The following GALNT13 variants were observed in gnomAD, a reference collection of about 807,000 sequenced individuals.
GALNT13 encodes the protein UDP-GalNAc:polypeptide N-acetylgalactosaminyltransferase 13.
Under a neutral mutation model 64.2 loss-of-function variants are expected in GALNT13, and 28 were observed. The ratio of observed to expected loss-of-function variants is 0.44; its 90% CI spans 0.32 to 0.60. The LOEUF is 0.60. GALNT13 is among the 20% of genes least tolerant of loss of function. The probability of loss-of-function intolerance (pLI) is 0.05; values close to 1 mark genes in which losing one functional copy is unlikely to be tolerated. For synonymous variants in GALNT13, 214 were observed against 224.6 expected (o/e 0.95, Z 0.42); for missense variants, 577 against 669.8 (o/e 0.86, Z 1.53).
At chr2:154,064,975 T>C (rs2178567) in intron 3 of GALNT13, among the ~76,000 whole-genome samples, 152,229 of 152,234 alleles carry the variant, frequency 1, 76,112 homozygotes, top group Non-Finnish European at 1. Flanking sequence ...CATTTCTGGA[T>C]GTGCCTTGAG....
chr2:153,900,846 A>G (rs892312293), intron 1 of GALNT13, 90 bp from the exon 2 acceptor site: 2 of 152,144 alleles, frequency 1.3e-5, no homozygotes, highest in Non-Finnish European at 2.9e-5. Context: ...ACGTTAAAGT[A>G]TATAGTGTTT....
At chr2:153,717,688 A>G in the GALNT13 span, among the ~76,000 whole-genome samples, 1 of 152,228 alleles carries the variant, frequency 6.6e-6, no homozygotes, top group Non-Finnish European at 1.5e-5. Flanking sequence ...AAAAAGAAAG[A>G]AGCACAAATG....
At chr2:153,262,341 C>A in the GALNT13 span, among the ~76,000 whole-genome samples, 41 of 152,264 alleles carry the variant, frequency 2.7e-4, no homozygotes, top group South Asian at 6.2e-4. Flanking sequence ...TTCCTTCTGA[C>A]TGTGTTTAAA....
chr2:154,244,195 A>G (rs144109783), intron 6 of GALNT13, among the ~76,000 whole-genome samples: 1 of 152,296 alleles, frequency 6.6e-6, no homozygotes, highest in African/African-American at 2.4e-5. Context: ...TGATCTAACA[A>G]CATAATTGCA....
chr2:153,988,061 T>C (rs1424844450), intron 3 of GALNT13, among the ~76,000 whole-genome samples: 4 of 113,396 alleles, frequency 3.5e-5, no homozygotes, highest in Non-Finnish European at 4.3e-5. Flanking sequence ...AGGTGACATA[T>C]ATATATATAT....
At chr2:153,488,580 A>C in the GALNT13 span, among the ~76,000 whole-genome samples, 1 of 152,128 alleles carries the variant, frequency 6.6e-6, no homozygotes, top group Non-Finnish European at 1.5e-5. Context: ...GCATTCCACA[A>C]CATCATTGCT....
the GALNT13 span, among the ~76,000 whole-genome samples, chr2:153,090,181 G>T: frequency 6.6e-6 from 1 of 152,154 alleles, no homozygotes; most frequent in Non-Finnish European, 1.5e-5. Flanking sequence ...CCCTTAGGAT[G>T]GGGCTTCTTG....
At chr2:154,290,133 G>A (rs1046214838) in intron 8 of GALNT13, among the ~76,000 whole-genome samples, 2 of 152,092 alleles carry the variant, frequency 1.3e-5, no homozygotes, top group Admixed American at 6.6e-5. Flanking sequence ...ATTTACTGCC[G>A]GGGCAAGTCA....
In GALNT13 at chr2:153,982,502, G is replaced by A. The variant is rs182018219; in HGVS notation, c.142+37863G>A. ...GTAGTAGTCATCTATCACCAAGTTTGTATGTTGAAGTCAATGTACCTAAGG... is the reference window on the plus strand; with the variant it reads ...GTAGTAGTCATCTATCACCAAGTTTATATGTTGAAGTCAATGTACCTAAGG... On this transcript the variant is annotated intron_variant, in intron 3 of 12. Transcript: ENST00000392825. 6.2e-4 allele frequency among the ~76,000 whole-genome samples: 94 copies of A among 152,140 alleles called. 2 individuals carry two copies. In the East Asian group the frequency reaches 0.015, roughly 25 times the overall value.
chr2:153,665,722 C>A, the GALNT13 span, among the ~76,000 whole-genome samples: 1 of 152,116 alleles, frequency 6.6e-6, no homozygotes, highest in East Asian at 1.9e-4. Context: ...CCCCAAGCAA[C>A]TCCTAGGGAA....
intron 9 of GALNT13, among the ~76,000 whole-genome samples, chr2:154,307,710 C>T (rs1693816086): frequency 6.6e-6 from 1 of 151,946 alleles, no homozygotes; most frequent in Admixed American, 6.6e-5. Context: ...TTTTTAAAGC[C>T]CTGTAGGCTG....
upstream of GALNT13, among the ~76,000 whole-genome samples, chr2:153,869,832 G>C (rs1685818311): frequency 6.6e-6 from 1 of 151,962 alleles, no homozygotes; most frequent in Non-Finnish European, 1.5e-5. Context: ...CTATGTTTGG[G>C]CCATGTAACT....
At chr2:154,095,903 C>A (rs1702050466) in intron 3 of GALNT13, among the ~76,000 whole-genome samples, 2 of 151,908 alleles carry the variant, frequency 1.3e-5, no homozygotes, top group African/African-American at 2.4e-5. Flanking sequence ...CTCCTATAAA[C>A]CACAAAATAC....
At chr2:154,159,016 TTTAC>T (rs1372302714) in intron 4 of GALNT13, among the ~76,000 whole-genome samples, 2 of 152,162 alleles carry the variant, frequency 1.3e-5, no homozygotes, top group African/African-American at 4.8e-5. Context: ...TGAATGTTGT[TTTAC>T]TTACTTCTTT....
intron 3 of GALNT13, among the ~76,000 whole-genome samples, chr2:154,132,192 A>C (rs1227967660): frequency 6.6e-6 from 1 of 152,174 alleles, no homozygotes; most frequent in Non-Finnish European, 1.5e-5. Context: ...ATCCAAACAA[A>C]TCAAGTTGAC....
the GALNT13 span, among the ~76,000 whole-genome samples, chr2:153,589,399 C>T: frequency 6.6e-6 from 1 of 152,168 alleles, no homozygotes; most frequent in Non-Finnish European, 1.5e-5. Context: ...GAGTTCCAAA[C>T]TTTCCCACAT....
At chr2:153,646,443 C>CT in the GALNT13 span, among the ~76,000 whole-genome samples, 1 of 142,978 alleles carries the variant, frequency 7.0e-6, no homozygotes, top group Non-Finnish European at 1.6e-5. Flanking sequence ...AATTATTTCT[C>CT]TTTTTTTTCT....
chr2:154,345,024 C>A (rs1293819058), intron 9 of GALNT13, among the ~76,000 whole-genome samples: 1 of 151,956 alleles, frequency 6.6e-6, no homozygotes, highest in Non-Finnish European at 1.5e-5. Flanking sequence ...TGCTTTACAA[C>A]TTTATCCCTA....
At position 154,056,033 on chromosome 2, in the gene GALNT13, A is replaced by G. The variant is rs1699877260; in HGVS notation, c.143-84304A>G. Among the ~76,000 whole-genome samples, 5 of 152,298 alleles carry G rather than the reference A, an allele frequency of 3.3e-5. No homozygotes were observed. In the South Asian group the frequency reaches 1.0e-3, roughly 32 times the overall value. On this transcript the variant is annotated intron_variant, in intron 3 of 12. Coordinates refer to ENST00000392825, the MANE Select transcript of GALNT13 (RefSeq NM_052917.4). ...TCTGTGACAGGCTTTTCTTCATGTCAGAATTACTGATCCCTCATAAAGACA... is the reference window on the plus strand; with the variant it reads ...TCTGTGACAGGCTTTTCTTCATGTCGGAATTACTGATCCCTCATAAAGACA...
Sources: gnomAD v4.1 joint callset for allele counts (sites outside exome capture counted in the v4.1 genomes callset) on GRCh38, gnomAD v4.1.1 for gene constraint, MANE v1.5 for transcripts, NCBI Gene and HGNC (gene_info 2026-07-23, HGNC 2026-07-21) for gene names.